DLC1: variants seen among roughly 807,000 people sequenced by gnomAD.
DLC1 encodes rho GTPase-activating protein 7.
DLC1 carries 54 observed loss-of-function variants against 140.3 expected under a neutral mutation model. The ratio of observed to expected loss-of-function variants is 0.38; its 90% CI spans 0.31 to 0.48. The LOEUF (loss-of-function observed/expected upper bound fraction) is 0.48. Among genes scored for constraint, DLC1 ranks in the 20% least tolerant of loss-of-function variants. DLC1 has a pLI of 0.96. For missense variants in DLC1, 2,536 were observed against 1,907.0 expected (o/e 1.33, Z -6.14); for synonymous variants, 986 against 728.1 (o/e 1.35, Z -5.70).
At chr8:13,333,783 G>T (rs1166022878) in intron 4 of DLC1, among the ~76,000 whole-genome samples, 1 of 152,068 alleles carries the variant, frequency 6.6e-6, no homozygotes, top group Non-Finnish European at 1.5e-5. Context: ...ACATCACTTT[G>T]TTAGATATCT....
intron 5 of DLC1, among the ~76,000 whole-genome samples, chr8:13,187,804 C>A (rs1826472676): frequency 6.6e-6 from 1 of 152,170 alleles, no homozygotes; most frequent in African/African-American, 2.4e-5. Flanking sequence ...GCATGTTGGA[C>A]TTTTGGATGG....
intron 5 of DLC1, among the ~76,000 whole-genome samples, chr8:13,137,847 C>T (rs1822688907): frequency 6.6e-6 from 1 of 152,040 alleles, no homozygotes; most frequent in African/African-American, 2.4e-5. Context: ...ATCTGCCCGC[C>T]TCAGCCTCCC....
intron 2 of DLC1, among the ~76,000 whole-genome samples, chr8:13,464,070 A>G (rs980611975): frequency 6.6e-6 from 1 of 152,214 alleles, no homozygotes; most frequent in Non-Finnish European, 1.5e-5. Flanking sequence ...TGCAGGGCAC[A>G]TTGATGTGGG....
chr8:13,353,336 T>TG (rs1834765096), intron 4 of DLC1: 1 of 152,194 alleles, frequency 6.6e-6, no homozygotes, highest in Non-Finnish European at 1.5e-5. Context: ...GAAAATGTGT[T>TG]TGAATTCCTA....
Position 13,099,344 on chromosome 8 carries a change from T to C in DLC1, c.2990+3A>G. ...CACCCGGAGGCAGGAGAAAAGTTCT[T>C]ACCTGTTGGACCTGGTTAGGGAAGC... On this transcript the variant is annotated splice_donor_region_variant and intron_variant, in intron 9 of 17. Transcript: ENST00000276297. 6.2e-7 allele frequency: 1 copy of C among 1,611,780 alleles called. No homozygotes were observed.
intron 5 of DLC1, among the ~76,000 whole-genome samples, chr8:13,124,658 G>A (rs1821401383): frequency 6.6e-6 from 1 of 152,166 alleles, no homozygotes; most frequent in African/African-American, 2.4e-5. Context: ...CTAGATAGGT[G>A]GCCTTAAGAA....
chr8:13,267,194 G>C (rs1252934490), intron 5 of DLC1, among the ~76,000 whole-genome samples: 11 of 152,154 alleles, frequency 7.2e-5, no homozygotes, highest in Admixed American at 6.6e-5. Context: ...TATCAGAGCT[G>C]AAAAACAATA....
intron 4 of DLC1, among the ~76,000 whole-genome samples, chr8:13,327,473 T>C (rs1362380168): frequency 7.2e-6 from 1 of 138,952 alleles, no homozygotes; most frequent in African/African-American, 2.7e-5. Context: ...ATTTCTGGCA[T>C]TTTTTTTTCT....
intron 4 of DLC1, among the ~76,000 whole-genome samples, chr8:13,360,163 C>T (rs1835155253): frequency 6.6e-6 from 1 of 152,106 alleles, no homozygotes; most frequent in Non-Finnish European, 1.5e-5. Flanking sequence ...GTTTCCTCTT[C>T]TGTAAAATGA....
intron 5 of DLC1, among the ~76,000 whole-genome samples, chr8:13,233,187 C>T (rs527494986): frequency 6.7e-6 from 1 of 149,852 alleles, no homozygotes; most frequent in East Asian, 2.0e-4. Context: ...CCTAGCTACT[C>T]AAGAGGCTGA....
rs550278741 is a variant in DLC1 at position 13,314,443 on chromosome 8, A to G, written c.1315-9141T>C. Reference sequence around the variant, plus strand: ...ATAATATCTAGCTAAGAAACAAAACAACATATATTGTCAATCTATTTGTTT... The same window carrying G: ...ATAATATCTAGCTAAGAAACAAAACGACATATATTGTCAATCTATTTGTTT... On this transcript the variant is annotated intron_variant, in intron 4 of 17. Transcript: ENST00000276297. Among the ~76,000 whole-genome samples, 10 of 152,010 alleles carry G rather than the reference A, an allele frequency of 6.6e-5. No homozygotes were observed. In the East Asian group the frequency reaches 1.9e-3, roughly 29 times the overall value.
chr8:13,492,757 G>A (rs141821221), intron 2 of DLC1, among the ~76,000 whole-genome samples: 67 of 152,182 alleles, frequency 4.4e-4, no homozygotes, highest in African/African-American at 1.2e-3. Flanking sequence ...TATACCTAGC[G>A]TTTTCATTTA....
intron 5 of DLC1, among the ~76,000 whole-genome samples, chr8:13,299,704 A>G (rs1487681312): frequency 6.6e-6 from 1 of 152,158 alleles, no homozygotes; most frequent in East Asian, 1.9e-4. Flanking sequence ...CTTGCGGGAA[A>G]CAAATGCACG....
Position 13,286,919 on chromosome 8 carries a change from G to GC in DLC1, c.1348+18349dup, listed in dbSNP as rs1353926216. Among the ~76,000 whole-genome samples, 5 of 152,302 alleles carry GC rather than the reference G, an allele frequency of 3.3e-5. No individual in the cohort carries two copies. The East Asian group carries it at 9.6e-4, about 29-fold the overall frequency. ...GAAACTGTACAGGAGATGACAGTCTGCAAACTTCAAGGGAAAGAGGGGATC... is the reference window on the plus strand; with the variant it reads ...GAAACTGTACAGGAGATGACAGTCTGCCAAACTTCAAGGGAAAGAGGGGATC... On this transcript the variant is annotated intron_variant, in intron 5 of 17. Coordinates refer to ENST00000276297, the MANE Select transcript of DLC1 (RefSeq NM_182643.3).
At chr8:13,367,769 T>C (rs910679732) in intron 4 of DLC1, among the ~76,000 whole-genome samples, 2 of 152,204 alleles carry the variant, frequency 1.3e-5, no homozygotes, top group African/African-American at 2.4e-5. Flanking sequence ...GGATGAATTC[T>C]GCAGGTTTGG....
At chr8:13,172,099 C>A (rs113780614) in intron 5 of DLC1, among the ~76,000 whole-genome samples, 2,986 of 152,200 alleles carry the variant, frequency 0.02, 87 homozygotes, top group African/African-American at 0.068. Flanking sequence ...ATTATTCTTA[C>A]GATAACAAAA....
chr8:13,305,391 G>T, intron 4 of DLC1, 89 bp from the exon 5 acceptor site: 14 of 1,344,226 alleles, frequency 1.0e-5, no homozygotes, highest in Non-Finnish European at 1.4e-5. Context: ...AATTAATGAC[G>T]CAAAAATTAA....
At chr8:13,162,588 G>A (rs1337467529) in intron 5 of DLC1, among the ~76,000 whole-genome samples, 3 of 152,186 alleles carry the variant, frequency 2.0e-5, no homozygotes, top group Non-Finnish European at 4.4e-5. Context: ...CTCCCAAAGT[G>A]CTAGGATTAC....
At chr8:13,232,474 C>T (rs144694518) in intron 5 of DLC1, among the ~76,000 whole-genome samples, 1,723 of 152,240 alleles carry the variant, frequency 0.011, 11 homozygotes, top group South Asian at 0.037. Context: ...GCTAGGACTA[C>T]AGGTTCACAC....
Sources: allele counts gnomAD v4.1 joint callset (sites outside exome capture counted in the v4.1 genomes callset), GRCh38; gene constraint gnomAD v4.1.1; transcripts MANE v1.5; gene names NCBI Gene and HGNC (gene_info 2026-07-23, HGNC 2026-07-21).